The following TMEM19 variants were observed in gnomAD, a reference collection of about 807,000 sequenced individuals.
TMEM19 encodes transmembrane protein 19.
In TMEM19, 21 loss-of-function variants were observed where a neutral mutation model predicts 33.6. The observed-to-expected ratio is 0.62, with a 90% CI of 0.44 to 0.90. The LOEUF is 0.90. TMEM19 is among the 40% of genes least tolerant of loss of function. The pLI is 0.00. For synonymous variants in TMEM19, 149 were observed against 147.5 expected (o/e 1.01, Z -0.07); for missense variants, 402 against 401.8 (o/e 1.00, Z 0.00).
In TMEM19 at chr12:71,699,013, T is replaced by C; in HGVS notation, c.751T>C (p.Ser251Pro). Residue 251 changes from serine to proline, a missense_variant, in exon 5 of 6, where the codon TCT becomes CCT. Physicochemically the swap from Ser to Pro is moderately conservative, Grantham distance 74. Coordinates refer to ENST00000266673, the MANE Select transcript of TMEM19 (RefSeq NM_018279.4). ...GATTTTTGTGAATGATTTAGACATTTCTGCCCCGCAGTGGCCAATTATTGC... is the reference window on the plus strand; with the variant it reads ...GATTTTTGTGAATGATTTAGACATTCCTGCCCCGCAGTGGCCAATTATTGC... ...QLIFVNDLDI[S>P]APQWPIIAFG... 6.2e-7 allele frequency: 1 copy of C among 1,614,206 alleles called. No individual in the cohort carries two copies. Among genetic ancestry groups the C allele is most frequent in the Non-Finnish European group, 8.5e-7 (1 of 1,180,036 alleles).
At chr12:71,693,191 T>C (rs533855480) in intron 2 of TMEM19, among the ~76,000 whole-genome samples, 71 of 150,744 alleles carry the variant, frequency 4.7e-4, no homozygotes, top group African/African-American at 1.7e-3. Context: ...CGAGACCCTG[T>C]CCCAAAAAAA....
intron 2 of TMEM19, among the ~76,000 whole-genome samples, chr12:71,694,650 A>G (rs987923822): frequency 1.1e-4 from 17 of 152,316 alleles, no homozygotes; most frequent in Middle Eastern, 3.4e-3. Context: ...GGTGAGTACA[A>G]AGTCTGAGAA....
rs910721573 is a variant in TMEM19 at position 71,702,866 on chromosome 12, C to T, written c.*1871C>T. On this transcript the variant is annotated 3_prime_UTR_variant, in exon 6 of 6. Transcript: ENST00000266673. ...TCTCTGGGAGATTCTAATGCTTAAC[C>T]AAATTGAGAAGCACTGAATAAGAAT... is the stretch of plus-strand genomic sequence containing the variant. The T allele has an allele frequency of 6.6e-6, 1 of 151,972 alleles. No individual in the cohort carries two copies. The highest frequency in any genetic ancestry group is 1.5e-5 in the Non-Finnish European group (1 of 68,010). 9.4% of individuals were successfully genotyped at this position (151,972 alleles called of 1,614,324 possible).
chr12:71,698,306 C>G (rs1019052539), intron 4 of TMEM19, among the ~76,000 whole-genome samples: 1 of 152,176 alleles, frequency 6.6e-6, no homozygotes, highest in Non-Finnish European at 1.5e-5. Flanking sequence ...CTACAGAGCA[C>G]TATTCTAACT....
intron 2 of TMEM19, among the ~76,000 whole-genome samples, chr12:71,693,551 G>T (rs984215883): frequency 6.6e-6 from 1 of 152,166 alleles, no homozygotes; most frequent in African/African-American, 2.4e-5. Context: ...GAATTATCAT[G>T]AAGTGTTATC....
At chr12:71,697,633 T>TTTTAGAG in intron 4 of TMEM19, 99 bp downstream of exon 4, 1 of 1,411,726 alleles carries the variant, frequency 7.1e-7, no homozygotes, top group Non-Finnish European at 9.4e-7. Flanking sequence ...ATGTAATGTA[T>TTTTAGAG]TTTAGAGCCT....
chr12:71,700,963 A>G lies in TMEM19; in HGVS notation c.979A>G (p.Thr327Ala), dbSNP rs955214582. The G allele has an allele frequency of 1.9e-6, 3 of 1,612,344 alleles. No individual in the cohort carries two copies. Among genetic ancestry groups the G allele is most frequent in the African/African-American group, 1.3e-5 (1 of 74,948 alleles). The change falls in exon 6 of 6, where the codon ACT becomes GCT. Residue 327 changes from threonine (T) to alanine (A), a missense_variant. Coordinates refer to ENST00000266673, the MANE Select transcript of TMEM19 (RefSeq NM_018279.4). The stretch of plus-strand genomic sequence containing the variant: ...TGTTCTTATTGCCCTCTTGCTCCCA[A>G]CTGCTGCTTGGGGTTTTTGGCCCAG... ...SSVLIALLLPTAAWGFWPRG is the reference protein window; with the variant it reads ...SSVLIALLLPAAAWGFWPRG
intron 4 of TMEM19, among the ~76,000 whole-genome samples, chr12:71,698,085 A>G (rs940791035): frequency 1.3e-5 from 2 of 152,190 alleles, no homozygotes; most frequent in African/African-American, 4.8e-5. Context: ...ACTCTGAAAA[A>G]ATTTGAAATC....
At chr12:71,700,738 C>T in intron 5 of TMEM19, 94 bp from the exon 6 acceptor site, 1 of 1,265,162 alleles carries the variant, frequency 7.9e-7, no homozygotes. Context: ...TACCCTAGAA[C>T]TTAAAGTATA....
At position 71,697,445 on chromosome 12, in the gene TMEM19, C is replaced by T; in HGVS notation, c.548C>T (p.Ser183Phe). The part of the protein sequence containing the change: ...CLSLLAALAC[S>F]AGDTWASEVG... Reference sequence around the variant, plus strand: ...TCTCTCTTGGCTGCACTGGCCTGCTCTGCTGGAGACACATGGGCTTCAGAA... The same window carrying T: ...TCTCTCTTGGCTGCACTGGCCTGCTTTGCTGGAGACACATGGGCTTCAGAA... Residue 183 changes from serine to phenylalanine, a missense_variant, in exon 4 of 6, where the codon TCT becomes TTT. By Grantham distance (155) the Ser-to-Phe change is radical. Coordinates refer to ENST00000266673, the MANE Select transcript of TMEM19 (RefSeq NM_018279.4). 3 of 1,610,024 alleles carry T rather than the reference C, an allele frequency of 1.9e-6. No individual in the cohort carries two copies. Among genetic ancestry groups the T allele is most frequent in the Non-Finnish European group, 2.5e-6 (3 of 1,178,596 alleles).
Position 71,697,286 on chromosome 12 carries a change from A to C in TMEM19, c.389A>C (p.Gln130Pro), listed in dbSNP as rs1881890361. The C allele has an allele frequency of 6.3e-7, 1 of 1,582,162 alleles. No individual in the cohort carries two copies. The highest frequency in any genetic ancestry group is 8.6e-7 in the Non-Finnish European group (1 of 1,169,072). ...TTCATCTGTTTGTTTCCAGGTGGGC[A>C]AAGGAATTGGGTTCAGGTGTTCTGT... Reference protein sequence around the residue: ...RLDSEYKEGGQRNWVQVFCNG... With the variant: ...RLDSEYKEGGPRNWVQVFCNG... The change falls in exon 4 of 6, where the codon CAA becomes CCA. Residue 130 changes from glutamine (Q) to proline (P), a missense_variant. Coordinates refer to ENST00000266673, the MANE Select transcript of TMEM19 (RefSeq NM_018279.4).
chr12:71,700,434 T>A (rs1235952628), intron 5 of TMEM19, among the ~76,000 whole-genome samples: 1 of 152,148 alleles, frequency 6.6e-6, no homozygotes, highest in Non-Finnish European at 1.5e-5. Flanking sequence ...CCCAAGGACG[T>A]CATAGATCAG....
In TMEM19 at chr12:71,703,939, G is replaced by A. The variant is rs1335410840; in HGVS notation, c.*2944G>A. 4.9e-6 allele frequency: 2 copies of A among 411,392 alleles called. No individual in the cohort carries two copies. The highest frequency in any genetic ancestry group is 7.2e-4 in the Middle Eastern group (1 of 1,390). 25.5% of individuals were successfully genotyped at this position (411,392 alleles called of 1,614,324 possible). On this transcript the variant is annotated 3_prime_UTR_variant, in exon 6 of 6. Coordinates refer to ENST00000266673, the MANE Select transcript of TMEM19 (RefSeq NM_018279.4). ...TTTTACTGTAACATCTTTTGAATTG[G>A]ATATTTAACTAATTCAACATATTTT...
chr12:71,688,351 T>G (rs1881727834), intron 1 of TMEM19, among the ~76,000 whole-genome samples: 1 of 152,150 alleles, frequency 6.6e-6, no homozygotes, highest in Non-Finnish European at 1.5e-5. Flanking sequence ...TGCCTCAGCC[T>G]CCCAAGTAGC....
At position 71,700,988 on chromosome 12, in the gene TMEM19, G is replaced by A. The variant is rs1881968926; in HGVS notation, c.1004G>A (p.Arg335Lys). 9 of 1,606,816 alleles carry A rather than the reference G, an allele frequency of 5.6e-6. No homozygotes were observed. In the East Asian group the frequency reaches 1.1e-4, roughly 20 times the overall value. The stretch of plus-strand genomic sequence containing the variant: ...ACTGCTGCTTGGGGTTTTTGGCCCA[G>A]GGGGTGAACTTTATTTCATTTCCAC... ...LPTAAWGFWP[R>K]G Residue 335 changes from arginine (R) to lysine (K), a missense_variant, in exon 6 of 6, where the codon AGG becomes AAG. Arg to Lys is a conservative substitution (Grantham distance 26). Coordinates refer to ENST00000266673, the MANE Select transcript of TMEM19 (RefSeq NM_018279.4).
In TMEM19 at chr12:71,701,720, C is replaced by T. The variant is rs962940650; in HGVS notation, c.*725C>T. ...ACTTACTATATGTTTCAGTTGCTCT[C>T]TGAACAAAAATTATCTTCAATTTAA... On this transcript the variant is annotated 3_prime_UTR_variant, in exon 6 of 6. Transcript: ENST00000266673. 6.6e-6 allele frequency: 1 copy of T among 152,158 alleles called. No homozygotes were observed. The highest frequency in any genetic ancestry group is 2.4e-5 in the African/African-American group (1 of 41,434). 9.4% of individuals were successfully genotyped at this position (152,158 alleles called of 1,614,324 possible). A position where few individuals can be genotyped will look rare whatever the true frequency, so the allele number is the denominator to read the frequency against.
chr12:71,688,498 G>A (rs1374925842), intron 1 of TMEM19, among the ~76,000 whole-genome samples: 1 of 152,142 alleles, frequency 6.6e-6, no homozygotes, highest in Non-Finnish European at 1.5e-5. Context: ...CAAAGTGCTG[G>A]GATTACAGGC....
chr12:71,689,973 T>C (rs1881757638), intron 2 of TMEM19, among the ~76,000 whole-genome samples: 1 of 152,200 alleles, frequency 6.6e-6, no homozygotes, highest in South Asian at 2.1e-4. Flanking sequence ...TCTGCTCCTT[T>C]AGTTTGATTA....
chr12:71,701,899 A>G lies in TMEM19; in HGVS notation c.*904A>G, dbSNP rs933615334. ...TGCTGGAAAATGCTATGATTTTTCTATTATTACCTTCTAAGTTGTATTCTC... is the reference window on the plus strand; with the variant it reads ...TGCTGGAAAATGCTATGATTTTTCTGTTATTACCTTCTAAGTTGTATTCTC... On this transcript the variant is annotated 3_prime_UTR_variant, in exon 6 of 6. Transcript: ENST00000266673. 1 of 152,192 alleles carries G rather than the reference A, an allele frequency of 6.6e-6. No individual in the cohort carries two copies. The highest frequency in any genetic ancestry group is 1.5e-5 in the Non-Finnish European group (1 of 68,030). The allele number at this position is 152,192 out of a possible 1,614,324, so 9.4% of individuals were successfully genotyped here.
Sources: allele counts gnomAD v4.1 joint callset (sites outside exome capture counted in the v4.1 genomes callset), GRCh38; gene constraint gnomAD v4.1.1; transcripts MANE v1.5; gene names NCBI Gene and HGNC (gene_info 2026-07-23, HGNC 2026-07-21).